Variants in CLEC7A observed in about 807,000 individuals in gnomAD.
The protein encoded by CLEC7A is C-type lectin domain containing 7A.
In CLEC7A, 25 loss-of-function variants were observed where a neutral mutation model predicts 26.9. That is an observed-to-expected ratio of 0.93 (90% CI 0.68 to 1.30). The LOEUF is 1.30. Among genes scored for constraint, CLEC7A ranks in the 50% most tolerant of loss-of-function variants. CLEC7A has a pLI of 0.00. For synonymous variants in CLEC7A, 100 were observed against 99.5 expected (o/e 1.01, Z -0.03); for missense variants, 275 against 286.7 (o/e 0.96, Z 0.29).
In CLEC7A at chr12:10,126,645, T is replaced by A. The variant is rs375542569; in HGVS notation, c.266A>T (p.Lys89Ile). 1.9e-6 allele frequency: 3 copies of A among 1,613,010 alleles called. No homozygotes were observed. In the African/African-American group the frequency reaches 4.0e-5, roughly 22 times the overall value. Residue 89 changes from lysine (K) to isoleucine (I), a missense_variant, in exon 3 of 6, where the codon AAA (lysine) becomes ATA (isoleucine). Coordinates refer to ENST00000304084, the MANE Select transcript of CLEC7A (RefSeq NM_197947.3). The part of the protein sequence containing the change: ...LENGYFLSRN[K>I]ENHSQPTQSS... ...TTGTGTGGGTTGACTGTGGTTCTCT[T>A]TATTTCTTGATAGAAAGTAGCCATT...
rs761136150 is a variant in CLEC7A at position 10,126,925 on chromosome 12, AAAG to A, written c.203-220_203-218del. The A allele has an allele frequency of 7.7e-3, 6,529 of 850,652 alleles. 156 individuals carry two copies. The highest frequency in any genetic ancestry group is 0.076 in the African/African-American group (4,176 of 55,282). The allele number at this position is 850,652 out of a possible 1,614,324, so 52.7% of individuals were successfully genotyped here. On this transcript the variant is annotated intron_variant, in intron 2 of 5. Transcript: ENST00000304084. ...TAAAGGAGGTATAGTAAAAAAAAAAAAAGAAAAGAAAAAAGAAGGTGGAGAAGA... is the reference window on the plus strand; with the variant it reads ...TAAAGGAGGTATAGTAAAAAAAAAAAAAAAGAAAAAAGAAGGTGGAGAAGA...
At position 10,128,727 on chromosome 12, in the gene CLEC7A, C is replaced by T. The variant is rs1020270940; in HGVS notation, c.104-882G>A. ...TGATAGGTGTGTTGTTGCAGGATAC[C>T]GTTTGCCTACACATATGCATAAACA... On this transcript the variant is annotated intron_variant, in intron 1 of 5. Transcript: ENST00000304084. Among the ~76,000 whole-genome samples the T allele has an allele frequency of 4.6e-5, 7 of 151,986 alleles. No individual in the cohort carries two copies. The South Asian group carries it at 6.3e-4, about 14-fold the overall frequency.
chr12:10,124,401 T>C (rs1016037407), intron 4 of CLEC7A, among the ~76,000 whole-genome samples: 2 of 152,226 alleles, frequency 1.3e-5, no homozygotes, highest in African/African-American at 4.8e-5. Flanking sequence ...ATTGAAGCTC[T>C]ACCCTTCATT....
intron 5 of CLEC7A, 139 bp from the exon 6 acceptor site, chr12:10,118,729 T>A: frequency 2.9e-6 from 2 of 680,080 alleles, no homozygotes; most frequent in Non-Finnish European, 4.6e-6. Flanking sequence ...GGCTTAAATC[T>A]AAATTGTTGT....
At chr12:10,123,909 G>A (rs375383005) in intron 4 of CLEC7A, among the ~76,000 whole-genome samples, 100 of 152,162 alleles carry the variant, frequency 6.6e-4, no homozygotes, top group African/African-American at 2.3e-3. Flanking sequence ...GAATAGATTT[G>A]TAATGTGAGG....
chr12:10,123,763 G>T (rs1157384976), intron 4 of CLEC7A, among the ~76,000 whole-genome samples: 1 of 39,668 alleles, frequency 2.5e-5, no homozygotes, highest in African/African-American at 2.1e-4. Flanking sequence ...GCGAGACTCC[G>T]TCTCAAAAAA....
intron 3 of CLEC7A, among the ~76,000 whole-genome samples, chr12:10,125,890 T>C (rs11053617): frequency 0.14 from 20,990 of 152,188 alleles, 1,896 homozygotes; most frequent in African/African-American, 0.26. Context: ...ATTCATATTA[T>C]ACACTATCTC....
intron 4 of CLEC7A, among the ~76,000 whole-genome samples, chr12:10,124,091 T>A (rs976637991): frequency 6.6e-6 from 1 of 152,178 alleles, no homozygotes; most frequent in Non-Finnish European, 1.5e-5. Context: ...AATAATTTAG[T>A]CCAACTGTAT....
chr12:10,126,230 G>A lies in CLEC7A; in HGVS notation c.340+341C>T, dbSNP rs1312098604. On this transcript the variant is annotated intron_variant, in intron 3 of 5. Transcript: ENST00000304084. ...ATTCTAACTGTATCGCATTTAAAAT[G>A]TCAATTCTGTAAGGGGAGAGAACAC... is the stretch of plus-strand genomic sequence containing the variant. 25 of 981,230 alleles carry A rather than the reference G, an allele frequency of 2.5e-5. No homozygotes were observed. The South Asian group carries it at 5.7e-4, about 22-fold the overall frequency. The allele number at this position is 981,230 out of a possible 1,614,324, so 60.8% of individuals were successfully genotyped here.
In CLEC7A at chr12:10,122,205, TAAG is replaced by T. The variant is rs199834675; in HGVS notation, c.611+1037_611+1039del. ...CAGGTGTGCACACACACACTAATAA[TAAG>T]AACTTAAAAGAGACATATTTCATAT... On this transcript the variant is annotated intron_variant, in intron 5 of 5. Transcript: ENST00000304084. 7.0e-3 allele frequency among the ~76,000 whole-genome samples: 1,067 copies of T among 152,002 alleles called. 11 individuals carry two copies. The highest frequency in any genetic ancestry group is 0.023 in the African/African-American group (954 of 41,462).
chr12:10,130,198 C>G lies in CLEC7A; in HGVS notation c.-116G>C. ...TGAGTCAAATCATGTGGGCTAGGTACTTACCGGAGTTTAACAAATTAAGCT... is the reference window on the plus strand; with the variant it reads ...TGAGTCAAATCATGTGGGCTAGGTAGTTACCGGAGTTTAACAAATTAAGCT... On this transcript the variant is annotated 5_prime_UTR_variant, in exon 1 of 6. Transcript: ENST00000304084. 2 of 559,030 alleles carry G rather than the reference C, an allele frequency of 3.6e-6. No individual in the cohort carries two copies. Among genetic ancestry groups the G allele is most frequent in the East Asian group, 2.9e-5 (1 of 34,884 alleles). 34.6% of individuals were successfully genotyped at this position (559,030 alleles called of 1,614,324 possible). A position where few individuals can be genotyped will look rare whatever the true frequency, so the allele number is the denominator to read the frequency against.
chr12:10,127,572 C>T, intron 2 of CLEC7A, 175 bp downstream of exon 2: 2 of 991,712 alleles, frequency 2.0e-6, no homozygotes, highest in African/African-American at 1.6e-5. Context: ...ACCTCTCAGT[C>T]TCTCACACCC....
chr12:10,127,146 C>T, intron 2 of CLEC7A: 1 of 1,111,022 alleles, frequency 9.0e-7, no homozygotes, highest in Non-Finnish European at 1.2e-6. Flanking sequence ...GTCATGAAGA[C>T]TCTCTGAAGG....
chr12:10,126,991 A>G (rs541485962), intron 2 of CLEC7A: 5 of 1,340,590 alleles, frequency 3.7e-6, no homozygotes, highest in Non-Finnish European at 3.9e-6. Context: ...GGCAAATGTC[A>G]TAGAGTCAAT....
At chr12:10,127,263 AGGTGT>A in intron 2 of CLEC7A, 1 of 1,422,288 alleles carries the variant, frequency 7.0e-7, no homozygotes. Context: ...GTGTATTCAA[AGGTGT>A]TTATATTAAA....
At chr12:10,118,941 T>G (rs950690868) in intron 5 of CLEC7A, among the ~76,000 whole-genome samples, 2 of 152,142 alleles carry the variant, frequency 1.3e-5, no homozygotes, top group African/African-American at 4.8e-5. Flanking sequence ...CAAGTAACAG[T>G]TTAATTAAAT....
At chr12:10,127,723 T>C in intron 2 of CLEC7A, 24 bp downstream of exon 2, 1 of 1,469,482 alleles carries the variant, frequency 6.8e-7, no homozygotes, top group Non-Finnish European at 9.4e-7. Context: ...TGTCTGTTGT[T>C]AATCTCCTCC....
At chr12:10,120,252 TG>T (rs1400419806) in intron 5 of CLEC7A, among the ~76,000 whole-genome samples, 1 of 152,072 alleles carries the variant, frequency 6.6e-6, no homozygotes, top group Non-Finnish European at 1.5e-5. Context: ...GGAAAAAAGA[TG>T]GGGAAAAGCA....
In CLEC7A at chr12:10,126,250, G is replaced by A. The variant is rs1018813157; in HGVS notation, c.340+321C>T. The A allele has an allele frequency of 4.1e-6, 4 of 979,678 alleles. No homozygotes were observed. In the African/African-American group the frequency reaches 7.0e-5, roughly 17 times the overall value. The allele number at this position is 979,678 out of a possible 1,614,324, so 60.7% of individuals were successfully genotyped here. On this transcript the variant is annotated intron_variant, in intron 3 of 5. Coordinates refer to ENST00000304084, the MANE Select transcript of CLEC7A (RefSeq NM_197947.3). ...AAAATGTCAATTCTGTAAGGGGAGA[G>A]AACACTTTTCTTTTATTTGTATCAA...
Sources: gnomAD v4.1 joint callset for allele counts (sites outside exome capture counted in the v4.1 genomes callset) on GRCh38, gnomAD v4.1.1 for gene constraint, MANE v1.5 for transcripts, NCBI Gene and HGNC (gene_info 2026-07-23, HGNC 2026-07-21) for gene names.